Variants in FERRY3 observed in about 807,000 individuals in gnomAD.
The protein encoded by FERRY3 is protein C12orf4.
the FERRY3 span, chr12:4,524,932 C>A: frequency 5.3e-6 from 1 of 187,514 alleles, no homozygotes; most frequent in Admixed American, 5.8e-5. Flanking sequence ...TGTTTTTCTG[C>A]TTAGAGAGTG....
chr12:4,518,664 C>T, the FERRY3 span: 2 of 705,502 alleles, frequency 2.8e-6, no homozygotes, highest in African/African-American at 1.9e-5. Context: ...TCAAGACCAG[C>T]CTGGGCAACA....
chr12:4,525,306 A>G, the FERRY3 span: 1 of 1,613,552 alleles, frequency 6.2e-7, no homozygotes, highest in Non-Finnish European at 8.5e-7. Context: ...TTTATTACCC[A>G]TTCTTGATAC....
the FERRY3 span, among the ~76,000 whole-genome samples, chr12:4,494,286 T>C: frequency 6.6e-6 from 1 of 152,182 alleles, no homozygotes; most frequent in Non-Finnish European, 1.5e-5. Context: ...GCCTGAGGCT[T>C]GAATTTTCAT....
the FERRY3 span, among the ~76,000 whole-genome samples, chr12:4,498,097 C>T: frequency 6.6e-6 from 1 of 152,208 alleles, no homozygotes; most frequent in Non-Finnish European, 1.5e-5. Flanking sequence ...TGTTCTGCAG[C>T]TGGCCTTCCC....
At chr12:4,523,739 CAT>C in the FERRY3 span, among the ~76,000 whole-genome samples, 1 of 152,142 alleles carries the variant, frequency 6.6e-6, no homozygotes, top group African/African-American at 2.4e-5. Context: ...TGTTCTCACT[CAT>C]AGGTGAGAAT....
chr12:4,492,493 G>A, the FERRY3 span, among the ~76,000 whole-genome samples: 4 of 152,124 alleles, frequency 2.6e-5, no homozygotes, highest in Non-Finnish European at 5.9e-5. Context: ...AATTCTTTAC[G>A]TGACATCATC....
chr12:4,508,664 G>A, the FERRY3 span, among the ~76,000 whole-genome samples: 7 of 151,950 alleles, frequency 4.6e-5, 1 homozygote, highest in African/African-American at 4.8e-5. Context: ...AGAATTGCTT[G>A]AGCCCAAGAG....
chr12:4,515,511 A>T, the FERRY3 span, among the ~76,000 whole-genome samples: 1 of 152,156 alleles, frequency 6.6e-6, no homozygotes, highest in Non-Finnish European at 1.5e-5. Flanking sequence ...ATTGACCTGG[A>T]GGACACTAAG....
chr12:4,509,738 A>G, the FERRY3 span, among the ~76,000 whole-genome samples: 1 of 141,540 alleles, frequency 7.1e-6, no homozygotes, highest in Non-Finnish European at 1.5e-5. Flanking sequence ...CACACCAAAA[A>G]CCCATCTGTA....
the FERRY3 span, among the ~76,000 whole-genome samples, chr12:4,531,421 A>G: frequency 6.6e-6 from 1 of 152,200 alleles, no homozygotes; most frequent in Non-Finnish European, 1.5e-5. Flanking sequence ...CCACTACCAG[A>G]TCATCTAACT....
chr12:4,518,306 C>A, the FERRY3 span: 1 of 1,515,898 alleles, frequency 6.6e-7, no homozygotes, highest in Non-Finnish European at 9.1e-7. Flanking sequence ...TACAGAAAGT[C>A]CAGTATAACA....
the FERRY3 span, chr12:4,518,261 G>T: frequency 1.2e-6 from 2 of 1,613,286 alleles, no homozygotes; most frequent in Non-Finnish European, 1.7e-6. Context: ...GGCTCCTGGG[G>T]GTAGGCAATA....
chr12:4,516,451 C>T, the FERRY3 span, among the ~76,000 whole-genome samples: 2 of 152,100 alleles, frequency 1.3e-5, no homozygotes, highest in Non-Finnish European at 2.9e-5. Context: ...ATAGCAAAGA[C>T]GTGGAATCAA....
At chr12:4,512,312 C>G in the FERRY3 span, among the ~76,000 whole-genome samples, 2 of 150,970 alleles carry the variant, frequency 1.3e-5, no homozygotes, top group South Asian at 2.1e-4. Flanking sequence ...ACCAGAGGTA[C>G]AAGGAGGAAC....
chr12:4,488,118 G>A, the FERRY3 span: 1 of 152,146 alleles, frequency 6.6e-6, no homozygotes, highest in Non-Finnish European at 1.5e-5. This position sits in a 1 kb window ranked among gnomAD's most constrained non-coding sequence, Gnocchi z 4.9. Flanking sequence ...ACAGTTGCAT[G>A]TGGAAAACGG....
the FERRY3 span, chr12:4,529,875 C>T: frequency 8.3e-6 from 13 of 1,574,092 alleles, no homozygotes; most frequent in South Asian, 1.2e-5. Flanking sequence ...ATACCTCTCT[C>T]GTAATTTTTT....
the FERRY3 span, among the ~76,000 whole-genome samples, chr12:4,496,143 A>G: frequency 6.6e-6 from 1 of 152,188 alleles, no homozygotes; most frequent in Non-Finnish European, 1.5e-5. Context: ...CTCCACCGTT[A>G]GCTTAAGATA....
At chr12:4,500,124 T>TTCTA in the FERRY3 span, 6 of 1,598,160 alleles carry the variant, frequency 3.8e-6, no homozygotes, top group Non-Finnish European at 5.1e-6. Context: ...TACAGGATTT[T>TTCTA]TCTATCTGCT....
At chr12:4,497,947 C>A in the FERRY3 span, among the ~76,000 whole-genome samples, 2 of 152,134 alleles carry the variant, frequency 1.3e-5, no homozygotes, top group East Asian at 3.8e-4. Context: ...AACAATATTA[C>A]CTCTATATCC....
Sources: allele counts gnomAD v4.1 joint callset (sites outside exome capture counted in the v4.1 genomes callset), GRCh38; gene constraint gnomAD v4.1.1; non-coding constraint Gnocchi (gnomAD v3.1); transcripts MANE v1.5; gene names NCBI Gene and HGNC (gene_info 2026-07-23, HGNC 2026-07-21).